Variants in SYNDIG1 observed in about 807,000 individuals in gnomAD.
SYNDIG1 encodes synapse differentiation-inducing gene protein 1.
Under a neutral mutation model 19.4 loss-of-function variants are expected in SYNDIG1, and 9 were observed. That is an observed-to-expected ratio of 0.46 (90% CI 0.28 to 0.81). SYNDIG1 has a LOEUF of 0.81. Ranked by LOEUF, SYNDIG1 falls within the 30% of genes least tolerant of loss-of-function variation. The pLI is 0.12. For synonymous variants in SYNDIG1, 141 were observed against 145.9 expected, an observed-to-expected ratio of 0.97 and a Z score of 0.24; for missense variants, 311 against 343.3, an observed-to-expected ratio of 0.91 and a Z score of 0.74.
At chr20:24,556,238 A>T (rs1295363126) in intron 2 of SYNDIG1, among the ~76,000 whole-genome samples, 1 of 152,110 alleles carries the variant, frequency 6.6e-6, no homozygotes, top group East Asian at 1.9e-4. Context: ...CAGCACACTG[A>T]TGGGTCTTGA....
chr20:24,664,444 A>T (rs1171075848), intron 3 of SYNDIG1, among the ~76,000 whole-genome samples: 1 of 152,158 alleles, frequency 6.6e-6, no homozygotes, highest in African/African-American at 2.4e-5. Flanking sequence ...TCCTGACCAC[A>T]GGGGGCCCGC....
At chr20:24,480,566 G>T (rs2146238676) in intron 1 of SYNDIG1, among the ~76,000 whole-genome samples, 1 of 152,284 alleles carries the variant, frequency 6.6e-6, no homozygotes, top group East Asian at 1.9e-4. Flanking sequence ...ATAGTGTGGA[G>T]GTTCCTCAGA....
chr20:24,483,205 C>T (rs1698292368), intron 1 of SYNDIG1, among the ~76,000 whole-genome samples: 1 of 152,092 alleles, frequency 6.6e-6, no homozygotes, highest in Non-Finnish European at 1.5e-5. Context: ...TGCAGTGTGA[C>T]GCAGCAGGAG....
chr20:24,554,617 C>T (rs947760711), intron 2 of SYNDIG1, among the ~76,000 whole-genome samples: 2 of 152,058 alleles, frequency 1.3e-5, no homozygotes, highest in African/African-American at 2.4e-5. Context: ...TATTCATTTG[C>T]GTGTATTGAA....
At chr20:24,656,419 G>A (rs1041269883) in intron 3 of SYNDIG1, among the ~76,000 whole-genome samples, 3 of 152,110 alleles carry the variant, frequency 2.0e-5, no homozygotes, top group Non-Finnish European at 2.9e-5. Flanking sequence ...GTTCCTAAAC[G>A]GCCTGCATGC....
intron 1 of SYNDIG1, among the ~76,000 whole-genome samples, chr20:24,503,546 A>G (rs1235463390): frequency 6.6e-6 from 1 of 152,162 alleles, no homozygotes; most frequent in Non-Finnish European, 1.5e-5. Flanking sequence ...CAGAGTTCTC[A>G]TAGAAGCAAT....
At chr20:24,576,819 C>T (rs541034204) in intron 2 of SYNDIG1, among the ~76,000 whole-genome samples, 4 of 152,224 alleles carry the variant, frequency 2.6e-5, no homozygotes, top group East Asian at 3.9e-4. Flanking sequence ...CATGGACGTC[C>T]GTAAGGATTC....
chr20:24,557,945 C>G (rs1223608389), intron 2 of SYNDIG1, among the ~76,000 whole-genome samples: 1 of 152,228 alleles, frequency 6.6e-6, no homozygotes, highest in Non-Finnish European at 1.5e-5. Context: ...CGGAAGAGGG[C>G]TTTAATCAGG....
At chr20:24,654,650 G>GGAAGGA (rs2059505234) in intron 3 of SYNDIG1, among the ~76,000 whole-genome samples, 99 of 117,446 alleles carry the variant, frequency 8.4e-4, no homozygotes, top group African/African-American at 3.0e-3. Flanking sequence ...GGGAGGGAGG[G>GGAAGGA]AGGAAGGAAG....
chr20:24,533,330 G>T (rs564023911), intron 1 of SYNDIG1, among the ~76,000 whole-genome samples: 1 of 152,142 alleles, frequency 6.6e-6, no homozygotes, highest in South Asian at 2.1e-4. Flanking sequence ...ACCTGTGAAG[G>T]CAGATATTTA....
intron 2 of SYNDIG1, among the ~76,000 whole-genome samples, chr20:24,568,119 C>T (rs553988585): frequency 2.2e-4 from 33 of 151,936 alleles, no homozygotes; most frequent in Admixed American, 3.3e-4. Context: ...CCAGCCTGGG[C>T]GACAGAAGGA....
intron 1 of SYNDIG1, among the ~76,000 whole-genome samples, chr20:24,525,663 GAA>G (rs1290655427): frequency 1.3e-5 from 2 of 152,130 alleles, no homozygotes; most frequent in Non-Finnish European, 2.9e-5. Flanking sequence ...GAGAGACAGA[GAA>G]TGAGAGAGAA....
chr20:24,573,714 G>C (rs578187200), intron 2 of SYNDIG1, among the ~76,000 whole-genome samples: 4 of 152,160 alleles, frequency 2.6e-5, no homozygotes, highest in Admixed American at 6.5e-5. Flanking sequence ...CGGTGATGAG[G>C]TTTCTCATCC....
rs565322127 is a variant in SYNDIG1 at position 24,473,481 on chromosome 20, A to G, written c.-79+3728A>G. Among the ~76,000 whole-genome samples, 4 of 152,324 alleles carry G rather than the reference A, an allele frequency of 2.6e-5. No homozygotes were observed. The East Asian group carries it at 5.8e-4, about 22-fold the overall frequency. ...TCTCTGTGCAAGATGCCCATTTTGA[A>G]TGATTCCTGAGAGATCCTAAACTTG... On this transcript the variant is annotated intron_variant, in intron 1 of 3. Coordinates refer to ENST00000376862, the MANE Select transcript of SYNDIG1 (RefSeq NM_024893.3).
chr20:24,532,753 C>T (rs1339035026), intron 1 of SYNDIG1, among the ~76,000 whole-genome samples: 1 of 152,246 alleles, frequency 6.6e-6, no homozygotes, highest in Non-Finnish European at 1.5e-5. Flanking sequence ...GTTTCGCCAG[C>T]TTTCCAACAG....
chr20:24,524,517 C>T (rs1600518460), intron 1 of SYNDIG1, among the ~76,000 whole-genome samples: 1 of 152,092 alleles, frequency 6.6e-6, no homozygotes, highest in East Asian at 1.9e-4. Flanking sequence ...TGGTGGCGGG[C>T]GCCTGTAGTC....
At chr20:24,534,552 C>A (rs2057325294) in intron 1 of SYNDIG1, among the ~76,000 whole-genome samples, 1 of 152,248 alleles carries the variant, frequency 6.6e-6, no homozygotes, top group Non-Finnish European at 1.5e-5. Flanking sequence ...TAACTCCTCA[C>A]CCCGTTCAGG....
intron 2 of SYNDIG1, among the ~76,000 whole-genome samples, chr20:24,548,066 G>A (rs533089262): frequency 1.0e-3 from 159 of 152,266 alleles, no homozygotes; most frequent in Non-Finnish European, 1.9e-3. Flanking sequence ...TTTCTGCCAC[G>A]CCCTCCAAGT....
At chr20:24,651,474 A>G (rs2059473765) in intron 3 of SYNDIG1, among the ~76,000 whole-genome samples, 2 of 152,200 alleles carry the variant, frequency 1.3e-5, no homozygotes, top group Admixed American at 1.3e-4. Flanking sequence ...AGAAACGACC[A>G]CACATGAGCC....
Sources: allele counts gnomAD v4.1 joint callset (sites outside exome capture counted in the v4.1 genomes callset), GRCh38; gene constraint gnomAD v4.1.1; transcripts MANE v1.5; gene names NCBI Gene and HGNC (gene_info 2026-07-23, HGNC 2026-07-21).